DDHD2: variants seen among roughly 807,000 people sequenced by gnomAD.
DDHD2 encodes triacylglycerol hydrolase DDHD2.
A neutral mutation model predicts 91.2 loss-of-function variants in DDHD2; 62 were observed. That is an observed-to-expected ratio of 0.68 (90% CI 0.55 to 0.84). DDHD2 has a LOEUF of 0.84. Ranked by LOEUF, DDHD2 falls within the 40% of genes least tolerant of loss-of-function variation. DDHD2 has a pLI of 0.00. For synonymous variants in DDHD2, 271 were observed against 293.9 expected, an observed-to-expected ratio of 0.92 and a Z score of 0.80; for missense variants, 740 against 846.9, an observed-to-expected ratio of 0.87 and a Z score of 1.57.
In DDHD2 at chr8:38,234,551, T is replaced by G. The variant is rs1335617133; in HGVS notation, c.378T>G (p.Val126=). The G allele has an allele frequency of 6.2e-7, 1 of 1,611,130 alleles. No individual in the cohort carries two copies. Among genetic ancestry groups the G allele is most frequent in the Non-Finnish European group, 8.5e-7 (1 of 1,179,418 alleles). Residue 126 remains valine, a synonymous_variant, in exon 3 of 18, where the codon GTT becomes GTG. Coordinates refer to ENST00000397166, the MANE Select transcript of DDHD2 (RefSeq NM_015214.3). ...FYKGDKDNKY[V]PYSESFSQVL... is the part of the protein sequence containing the mutation. ...AGGGGGACAAAGACAATAAGTATGT[T>G]CCCTACTCGGAGAGCTTCAGCCAAG...
chr8:38,240,045 GA>G (rs562833018), intron 5 of DDHD2, among the ~76,000 whole-genome samples: 55 of 149,546 alleles, frequency 3.7e-4, no homozygotes, highest in African/African-American at 1.3e-3. Flanking sequence ...TCAGAGATCA[GA>G]AAAAAAAGAA....
At position 38,234,572 on chromosome 8, in the gene DDHD2, C is replaced by T. The variant is rs1393749851; in HGVS notation, c.399C>T (p.Ser133=). The change falls in exon 3 of 18, where the codon AGC becomes AGT. Residue 133 remains serine (S), a synonymous_variant. Coordinates refer to ENST00000397166, the MANE Select transcript of DDHD2 (RefSeq NM_015214.3). ...NKYVPYSESF[S]QVLEETYMLA... ...ATGTTCCCTACTCGGAGAGCTTCAGCCAAGTTTTAGAGGTATTCTTTTGAC... is the reference window on the plus strand; with the variant it reads ...ATGTTCCCTACTCGGAGAGCTTCAGTCAAGTTTTAGAGGTATTCTTTTGAC... The T allele has an allele frequency of 3.1e-6, 5 of 1,607,428 alleles. No homozygotes were observed. Among genetic ancestry groups the T allele is most frequent in the Middle Eastern group, 3.3e-4 (2 of 6,076 alleles).
intron 16 of DDHD2, among the ~76,000 whole-genome samples, chr8:38,259,175 T>C (rs1038728595): frequency 6.6e-6 from 1 of 152,034 alleles, no homozygotes; most frequent in Non-Finnish European, 1.5e-5. Context: ...GTCTCTAGAA[T>C]GATCTCTGTG....
At chr8:38,266,286 C>T (rs561458814), downstream of DDHD2, 420 of 1,613,334 alleles carry the variant, frequency 2.6e-4, no homozygotes, top group Non-Finnish European at 3.3e-4. Context: ...GGTAGAAGGA[C>T]GCAAAGGCCA....
chr8:38,267,541 G>T, downstream of DDHD2: 1 of 892,174 alleles, frequency 1.1e-6, no homozygotes, highest in Non-Finnish European at 1.7e-6. Flanking sequence ...ACCACACTAA[G>T]AGAAAAGCCT....
At position 38,261,956 on chromosome 8, in the gene DDHD2, G is replaced by A. The variant is rs1807065550; in HGVS notation, c.*1383G>A. ...TTTTATAAATGTTATGGTATTCAAA[G>A]CCACTGACATTTAATATTTACTGAA... On this transcript the variant is annotated 3_prime_UTR_variant, in exon 18 of 18. Transcript: ENST00000397166. 1 of 152,074 alleles carries A rather than the reference G, an allele frequency of 6.6e-6. No individual in the cohort carries two copies. The highest frequency in any genetic ancestry group is 2.4e-5 in the African/African-American group (1 of 41,404). 9.4% of individuals were successfully genotyped at this position (152,074 alleles called of 1,614,324 possible).
chr8:38,267,845 T>G (rs1807902231), intron 1 of DDHD2: 10 of 1,553,376 alleles, frequency 6.4e-6, no homozygotes, highest in Non-Finnish European at 8.9e-6. Context: ...CTCTCTGTTC[T>G]GGTGGGTAAG....
rs769704464 is a variant in DDHD2, at chr8:38,261,215, GTTCA to G, written c.*645_*648del. 4 of 152,192 alleles carry G rather than the reference GTTCA, an allele frequency of 2.6e-5. No homozygotes were observed. Among genetic ancestry groups the G allele is most frequent in the Non-Finnish European group, 4.4e-5 (3 of 68,020 alleles). 9.4% of individuals were successfully genotyped at this position (152,192 alleles called of 1,614,324 possible). ...AGACTTATTGCCAGAAATCACTGAT[GTTCA>G]TTGTTTTTGCAACTGTTTGAGCTGC... On this transcript the variant is annotated 3_prime_UTR_variant, in exon 18 of 18. Transcript: ENST00000397166.
At chr8:38,264,295 C>T (rs562557634), downstream of DDHD2, 2 of 753,716 alleles carry the variant, frequency 2.7e-6, no homozygotes, top group Admixed American at 3.8e-5. Context: ...TTACGGCACA[C>T]AACTCCTGGC....
intron 17 of DDHD2, 52 bp downstream of exon 17, chr8:38,260,199 T>TA: frequency 1.0e-6 from 1 of 1,004,194 alleles, no homozygotes; most frequent in Non-Finnish European, 1.5e-6. Flanking sequence ...ATTAACATGT[T>TA]ATAATGAACT....
At chr8:38,233,307 A>C (rs1804441350) in intron 2 of DDHD2, 93 bp downstream of exon 2, 1 of 955,564 alleles carries the variant, frequency 1.0e-6, no homozygotes, top group East Asian at 2.5e-5. Context: ...TGAAAACCAA[A>C]TTTTAGATTT....
intron 3 of DDHD2, among the ~76,000 whole-genome samples, chr8:38,237,233 G>A (rs1804856331): frequency 6.6e-6 from 1 of 151,940 alleles, no homozygotes; most frequent in Non-Finnish European, 1.5e-5. Context: ...AAAGTTAGCC[G>A]AATGTGGTGG....
intron 6 of DDHD2, among the ~76,000 whole-genome samples, chr8:38,240,896 C>T (rs534386148): frequency 2.6e-5 from 4 of 152,040 alleles, no homozygotes; most frequent in East Asian, 1.9e-4. Flanking sequence ...GATTGTGAAA[C>T]GCTGTCTCTA....
intron 16 of DDHD2, among the ~76,000 whole-genome samples, chr8:38,254,908 A>G (rs550370220): frequency 1.2e-4 from 19 of 152,050 alleles, no homozygotes; most frequent in Admixed American, 9.8e-4. Context: ...GTATAAAATA[A>G]TACTAATTAA....
At chr8:38,256,135 C>T (rs1453804766) in intron 16 of DDHD2, among the ~76,000 whole-genome samples, 1 of 152,154 alleles carries the variant, frequency 6.6e-6, no homozygotes, top group Non-Finnish European at 1.5e-5. Flanking sequence ...TCATCACTCT[C>T]AAAAGTTTCC....
intron 1 of DDHD2, chr8:38,269,205 C>G (rs1021870154): frequency 3.3e-6 from 5 of 1,497,330 alleles, no homozygotes; most frequent in Non-Finnish European, 3.5e-6. Context: ...CCCATCCGGC[C>G]GCGAGCTCCG....
At chr8:38,250,181 C>G (rs10958565) in intron 11 of DDHD2, 2,844 of 153,180 alleles carry the variant, frequency 0.019, 88 homozygotes, top group African/African-American at 0.064. Context: ...TCCCAAAGTG[C>G]TGGGATTACA....
In DDHD2 at chr8:38,251,946, G is replaced by A. The variant is rs764911554; in HGVS notation, c.1379G>A (p.Gly460Glu). Residue 460 changes from glycine (G) to glutamate (E), a missense_variant, in exon 12 of 18, where the codon GGG becomes GAG. Transcript: ENST00000397166. ...IKRPAPQPAS[G>E]ANIPKESEFC... is the part of the protein sequence containing the mutation. ...AGACCAGCCCCGCAGCCTGCTTCAGGGGCAAACATCCCCAAAGAATCTGAG... is the reference window on the plus strand; with the variant it reads ...AGACCAGCCCCGCAGCCTGCTTCAGAGGCAAACATCCCCAAAGAATCTGAG... 1 of 1,613,990 alleles carries A rather than the reference G, an allele frequency of 6.2e-7. No individual in the cohort carries two copies.
At chr8:38,267,726 T>A, downstream of DDHD2, 1 of 714,854 alleles carries the variant, frequency 1.4e-6, no homozygotes, top group Non-Finnish European at 2.3e-6. Flanking sequence ...AGGTGTCACC[T>A]GGAGGACTGA....
Sources: allele counts gnomAD v4.1 joint callset (sites outside exome capture counted in the v4.1 genomes callset), GRCh38; gene constraint gnomAD v4.1.1; transcripts MANE v1.5; gene names NCBI Gene and HGNC (gene_info 2026-07-23, HGNC 2026-07-21).